Variants in UGP2 observed in about 807,000 individuals in gnomAD.
UGP2 encodes the protein UDP-glucose pyrophosphorylase 2, also known as UTP--glucose-1-phosphate uridylyltransferase.
In UGP2, 40 loss-of-function variants were observed where a neutral mutation model predicts 49.0. The observed-to-expected ratio is 0.82, with a 90% CI of 0.63 to 1.06. UGP2 has a LOEUF of 1.06. Among genes scored for constraint, UGP2 ranks in the 50% least tolerant of loss-of-function variants. The probability of loss-of-function intolerance (pLI) is 0.00; values close to 1 mark genes in which losing one functional copy is unlikely to be tolerated. For synonymous variants in UGP2, 225 were observed against 213.0 expected (o/e 1.06, Z -0.49); for missense variants, 460 against 603.5 (o/e 0.76, Z 2.49).
intron 2 of UGP2, among the ~76,000 whole-genome samples, chr2:63,857,099 A>G (rs1575813268): frequency 6.6e-6 from 1 of 152,152 alleles, no homozygotes; most frequent in East Asian, 1.9e-4. Flanking sequence ...CAGGAGTTTG[A>G]GACTGGCCTG....
In UGP2 at chr2:63,857,048, C is replaced by T. The variant is rs139445892; in HGVS notation, c.147+615C>T. On this transcript the variant is annotated intron_variant, in intron 2 of 9. Transcript: ENST00000337130. ...GGCGCAGTGGCTCTTAGCTGTAATC[C>T]CAGCACTTTGGGAGACCAAGGCAGG... Among the ~76,000 whole-genome samples, 495 of 151,978 alleles carry T rather than the reference C, an allele frequency of 3.3e-3. 8 individuals carry two copies. In the East Asian group the frequency reaches 0.035, roughly 11 times the overall value.
chr2:63,870,068 G>A (rs1670448477), intron 3 of UGP2, among the ~76,000 whole-genome samples: 2 of 151,836 alleles, frequency 1.3e-5, no homozygotes, highest in Non-Finnish European at 2.9e-5. Context: ...GACTGTAGGC[G>A]CCGGCCACCA....
At chr2:63,843,513 A>G (rs1671723741) in intron 1 of UGP2, among the ~76,000 whole-genome samples, 1 of 152,234 alleles carries the variant, frequency 6.6e-6, no homozygotes, top group African/African-American at 2.4e-5. Flanking sequence ...CTTCTCTTTA[A>G]AAGTTAGAAA....
intron 8 of UGP2, chr2:63,888,167 T>G (rs1008036532): frequency 3.2e-5 from 5 of 154,994 alleles, no homozygotes; most frequent in Admixed American, 1.3e-4. Flanking sequence ...CGGGGTGGTG[T>G]TGATGGTGTA....
Position 63,854,690 on chromosome 2 carries a change from A to G in UGP2, c.20-1616A>G, listed in dbSNP as rs370328318. Among the ~76,000 whole-genome samples, 21 of 152,328 alleles carry G rather than the reference A, an allele frequency of 1.4e-4. No homozygotes were observed. The East Asian group carries it at 3.9e-3, about 28-fold the overall frequency. The stretch of plus-strand genomic sequence containing the variant: ...CTTCCTGATTCTTTAATCACTAAAA[A>G]CAGAGCTTTTAGAGGGGTAGAAGAG... On this transcript the variant is annotated intron_variant, in intron 1 of 9. Transcript: ENST00000337130.
chr2:63,852,389 A>C, intron 1 of UGP2, among the ~76,000 whole-genome samples: 1 of 152,254 alleles, frequency 6.6e-6, no homozygotes, highest in African/African-American at 2.4e-5. Context: ...TGTACATTAA[A>C]GTTTTAGAAG....
rs1276224656 is a variant in UGP2 at position 63,885,724 on chromosome 2, T to C, written c.711T>C (p.Asp237=). The C allele has an allele frequency of 6.2e-7, 1 of 1,614,064 alleles. No homozygotes were observed. Among genetic ancestry groups the C allele is most frequent in the Non-Finnish European group, 8.5e-7 (1 of 1,179,972 alleles). The change falls in exon 6 of 10, where the codon GAT becomes GAC. Residue 237 remains aspartate (D), a synonymous_variant. Transcript: ENST00000337130. ...YASFYNSGLL[D]TFIGEGKEYI... ...GTTTCTACAACTCTGGATTGCTTGA[T>C]ACCTTTATAGGAGAAGGCAAAGAGT...
At chr2:63,887,089 C>T (rs1671730693) in intron 7 of UGP2, among the ~76,000 whole-genome samples, 2 of 151,968 alleles carry the variant, frequency 1.3e-5, no homozygotes, top group African/African-American at 4.8e-5. Flanking sequence ...CATAGTGAAA[C>T]CCCATCTCTA....
intron 1 of UGP2, among the ~76,000 whole-genome samples, chr2:63,853,341 ATCTTGATTATT>A (rs1669164059): frequency 1.3e-5 from 2 of 152,010 alleles, no homozygotes; most frequent in African/African-American, 4.8e-5. Flanking sequence ...AGATAGCTTT[ATCTTGATTATT>A]TCTTGATTAT....
intron 4 of UGP2, 59 bp from the exon 5 acceptor site, chr2:63,883,901 G>A (rs1486305960): frequency 2.6e-6 from 4 of 1,547,728 alleles, no homozygotes; most frequent in Non-Finnish European, 2.6e-6. Context: ...AACTAATTTT[G>A]CATATTTGAG....
At chr2:63,855,662 C>A in intron 1 of UGP2, 1 of 440,590 alleles carries the variant, frequency 2.3e-6, no homozygotes, top group Non-Finnish European at 4.5e-6. Flanking sequence ...CTGCTTCAGC[C>A]TTCCAAGTAG....
rs1000746683 is a variant in UGP2, at chr2:63,881,860, C to T, written c.256-606C>T. ...CAGTATTGGCTTTTATATGGTGACACCTGAAAGTTAAATTCTTGAGGAAGG... is the reference window on the plus strand; with the variant it reads ...CAGTATTGGCTTTTATATGGTGACATCTGAAAGTTAAATTCTTGAGGAAGG... On this transcript the variant is annotated intron_variant, in intron 3 of 9. Coordinates refer to ENST00000337130, the MANE Select transcript of UGP2 (RefSeq NM_006759.4). Among the ~76,000 whole-genome samples the T allele has an allele frequency of 2.0e-5, 3 of 152,180 alleles. No individual in the cohort carries two copies. The East Asian group carries it at 5.8e-4, about 29-fold the overall frequency.
intron 3 of UGP2, among the ~76,000 whole-genome samples, chr2:63,875,609 A>C (rs1347530044): frequency 6.6e-6 from 1 of 152,196 alleles, no homozygotes; most frequent in Non-Finnish European, 1.5e-5. Context: ...AGAGGGCTGA[A>C]TGTTGTTTAG....
rs1671391546 is a variant in UGP2, at chr2:63,882,590, A to G, written c.380A>G (p.Lys127Arg). The G allele has an allele frequency of 1.2e-6, 2 of 1,610,924 alleles. No homozygotes were observed. The highest frequency in any genetic ancestry group is 2.7e-5 in the African/African-American group (2 of 74,930). ...ACCAGCATGGGCTGCAAAGGCCCTA[A>G]AAGTCTGATTGGTGTGAGGAATGAG... ...LGTSMGCKGP[K>R]SLIGVRNENT... is the part of the protein sequence containing the mutation. The change falls in exon 4 of 10, where the codon AAA becomes AGA. Residue 127 changes from lysine to arginine, a missense_variant. This residue lies in a region of UGP2 where 317 missense variants were observed against 473.0 expected (regional missense o/e 0.67). Coordinates refer to ENST00000337130, the MANE Select transcript of UGP2 (RefSeq NM_006759.4).
chr2:63,852,109 C>T (rs1193305058), intron 1 of UGP2, among the ~76,000 whole-genome samples: 1 of 148,992 alleles, frequency 6.7e-6, no homozygotes, highest in East Asian at 2.3e-4. Context: ...TTGGACCAAT[C>T]TGGGCCTGGT....
At chr2:63,890,272 A>C in intron 9 of UGP2, 87 bp downstream of exon 9, 2 of 990,240 alleles carry the variant, frequency 2.0e-6, no homozygotes, top group Non-Finnish European at 3.0e-6. Flanking sequence ...TACTTTAAGG[A>C]ATACTTGTTA....
Position 63,886,457 on chromosome 2 carries a change from C to T in UGP2, c.990C>T (p.Asn330=). The T allele has an allele frequency of 1.2e-6, 2 of 1,614,148 alleles. No homozygotes were observed. The highest frequency in any genetic ancestry group is 2.2e-5 in the South Asian group (2 of 91,080). Residue 330 remains asparagine (N), a synonymous_variant, in exon 7 of 10, where the codon AAC becomes AAT. Coordinates refer to ENST00000337130, the MANE Select transcript of UGP2 (RefSeq NM_006759.4). The part of the protein sequence containing the change: ...SVSKFKIFNT[N]NLWISLAAVK... ...CAAAGTTCAAAATATTTAATACAAA[C>T]AACCTATGGATTTCTCTTGCAGCAG...
chr2:63,887,953 T>C (rs191476006), intron 8 of UGP2: 68 of 298,222 alleles, frequency 2.3e-4, no homozygotes, highest in Non-Finnish European at 3.1e-4. Flanking sequence ...CAAATACTTA[T>C]TGAATGCCTA....
chr2:63,860,402 GA>G (rs558709979), intron 3 of UGP2, among the ~76,000 whole-genome samples: 110 of 152,286 alleles, frequency 7.2e-4, no homozygotes, highest in African/African-American at 2.5e-3. Flanking sequence ...TGGCAGAGTT[GA>G]ATAGTTGGAG....
Sources: allele counts gnomAD v4.1 joint callset (sites outside exome capture counted in the v4.1 genomes callset), GRCh38; gene constraint gnomAD v4.1.1; regional missense constraint gnomAD v4.1.1; transcripts MANE v1.5; gene names NCBI Gene and HGNC (gene_info 2026-07-23, HGNC 2026-07-21).